Variants in DPP6 observed in about 807,000 individuals in gnomAD.
DPP6 encodes A-type potassium channel modulatory protein DPP6.
A neutral mutation model predicts 122.6 loss-of-function variants in DPP6; 69 were observed. The observed-to-expected ratio is 0.56, with a 90% confidence interval of 0.46 to 0.69. The LOEUF (loss-of-function observed/expected upper bound fraction) is 0.69, where lower values mean the gene tolerates loss of function less well. Among genes scored for constraint, DPP6 ranks in the 30% least tolerant of loss-of-function variants. DPP6 has a pLI of 0.00. For synonymous variants in DPP6, 418 were observed against 433.1 expected (o/e 0.97, Z 0.43); for missense variants, 928 against 1,116.9 (o/e 0.83, Z 2.41).
chr7:154,031,657 G>A (rs1799233532), intron 1 of DPP6, among the ~76,000 whole-genome samples: 1 of 151,922 alleles, frequency 6.6e-6, no homozygotes, highest in Admixed American at 6.6e-5. Flanking sequence ...GTCAGTCTCT[G>A]GAGATTCCCT....
rs1332788526 is a variant in DPP6, at chr7:154,241,228, T to TAGAG, written c.243+188166_243+188167insGAGA. ...GTGTGTGTGTGTGTGTGTATATATA[T>TAGAG]ATAGAGAGAGAGAGAGACACTTTTA... On this transcript the variant is annotated intron_variant, in intron 1 of 25. Transcript: ENST00000377770. This position sits in a 1 kb window ranked among gnomAD's most constrained non-coding sequence, Gnocchi z 9.0. Among the ~76,000 whole-genome samples, 4 of 150,808 alleles carry TAGAG rather than the reference T, an allele frequency of 2.7e-5. No homozygotes were observed. Among genetic ancestry groups the TAGAG allele is most frequent in the African/African-American group, 4.9e-5 (2 of 40,546 alleles).
At chr7:153,976,564 A>T (rs2129035937) in intron 1 of DPP6, among the ~76,000 whole-genome samples, 1 of 152,350 alleles carries the variant, frequency 6.6e-6, no homozygotes, top group Non-Finnish European at 1.5e-5. Context: ...AAACAGTAAG[A>T]ACTGCAACTT....
chr7:153,974,924 G>A (rs1213879060), intron 1 of DPP6, among the ~76,000 whole-genome samples: 1 of 152,206 alleles, frequency 6.6e-6, no homozygotes, highest in Non-Finnish European at 1.5e-5. Flanking sequence ...TTTTCTGGCT[G>A]GAAATGAAGC....
chr7:154,617,357 G>T (rs1057406500), intron 5 of DPP6, among the ~76,000 whole-genome samples: 2 of 152,198 alleles, frequency 1.3e-5, no homozygotes, highest in Non-Finnish European at 2.9e-5. Flanking sequence ...AAGGATCCTG[G>T]AATTACAGCA....
chr7:154,478,468 A>T (rs189893012), intron 3 of DPP6, among the ~76,000 whole-genome samples: 11 of 152,184 alleles, frequency 7.2e-5, no homozygotes, highest in Admixed American at 5.9e-4. Context: ...CATCATCATA[A>T]CATCATCATC....
At chr7:154,729,477 A>G (rs889482138) in intron 8 of DPP6, among the ~76,000 whole-genome samples, 2 of 152,222 alleles carry the variant, frequency 1.3e-5, no homozygotes, top group African/African-American at 2.4e-5. Context: ...AAATGGAGGT[A>G]TAATTTGTAC....
chr7:154,683,421 C>G (rs1214677274), intron 7 of DPP6, among the ~76,000 whole-genome samples: 5 of 152,188 alleles, frequency 3.3e-5, no homozygotes, highest in Non-Finnish European at 7.3e-5. Context: ...CTTCCTCCCC[C>G]ACCGGCTTGA....
chr7:154,172,132 C>T (rs1016061519), intron 1 of DPP6, among the ~76,000 whole-genome samples: 2 of 125,312 alleles, frequency 1.6e-5, no homozygotes, highest in African/African-American at 6.3e-5. Context: ...GCCCCTCCCT[C>T]CCTTCCTTCC....
chr7:154,873,868 CCACAGGCACACACA>C (rs1310132694), intron 19 of DPP6, among the ~76,000 whole-genome samples: 41 of 121,182 alleles, frequency 3.4e-4, no homozygotes, highest in African/African-American at 6.4e-4. Flanking sequence ...GCACACACAC[CCACAGGCACACACA>C]TGCACACACA....
chr7:154,749,523 GA>G (rs1843244594), intron 8 of DPP6, among the ~76,000 whole-genome samples: 1 of 132,500 alleles, frequency 7.5e-6, no homozygotes, highest in African/African-American at 2.9e-5. Context: ...GAGAGGGTGA[GA>G]GAGCATAGGA....
At chr7:154,575,802 G>C (rs908870669) in intron 5 of DPP6, among the ~76,000 whole-genome samples, 4 of 151,072 alleles carry the variant, frequency 2.6e-5, no homozygotes, top group Non-Finnish European at 3.0e-5. Context: ...GTATCTGTGT[G>C]TTTGTGTGTG....
chr7:154,043,470 G>A (rs1448685721), intron 1 of DPP6, among the ~76,000 whole-genome samples: 1 of 117,768 alleles, frequency 8.5e-6, no homozygotes, highest in African/African-American at 3.2e-5. Flanking sequence ...TAAATGCTCA[G>A]ATAAGTATAC....
At chr7:154,766,299 C>T (rs907683152) in intron 8 of DPP6, among the ~76,000 whole-genome samples, 1 of 152,074 alleles carries the variant, frequency 6.6e-6, no homozygotes, top group African/African-American at 2.4e-5. Flanking sequence ...ACCCAATGGT[C>T]GCTAAGTTCC....
chr7:154,363,978 G>T (rs1395732058), intron 1 of DPP6, among the ~76,000 whole-genome samples: 1 of 152,162 alleles, frequency 6.6e-6, no homozygotes, highest in Non-Finnish European at 1.5e-5. Context: ...TTTCCAGCTA[G>T]TGAGCAGAAA....
At chr7:154,104,935 G>T (rs1001167965) in intron 1 of DPP6, among the ~76,000 whole-genome samples, 8 of 151,896 alleles carry the variant, frequency 5.3e-5, no homozygotes, top group Middle Eastern at 3.4e-3. Context: ...GCACACCTCT[G>T]TGTGTGTGCT....
chr7:154,095,989 G>T (rs1225109123), intron 1 of DPP6: 5 of 125,042 alleles, frequency 4.0e-5, no homozygotes, highest in South Asian at 2.9e-4. Flanking sequence ...GGGAGTCGAG[G>T]GGACTGGATT....
intron 1 of DPP6, among the ~76,000 whole-genome samples, chr7:154,029,000 C>G (rs571589734): frequency 6.7e-6 from 1 of 150,052 alleles, no homozygotes; most frequent in East Asian, 1.9e-4. Flanking sequence ...CCTCTGTCCT[C>G]GAGGCCCACA....
the DPP6 span, among the ~76,000 whole-genome samples, chr7:153,831,206 G>A: frequency 6.6e-6 from 1 of 152,206 alleles, no homozygotes; most frequent in East Asian, 1.9e-4. Flanking sequence ...GCCCAGCACT[G>A]TGTAAGTGCC....
chr7:153,881,557 T>C, the DPP6 span, among the ~76,000 whole-genome samples: 2 of 152,208 alleles, frequency 1.3e-5, no homozygotes, highest in African/African-American at 4.8e-5. Flanking sequence ...TGCCTGTCCC[T>C]GTCTCCCTGC....
Sources: allele counts gnomAD v4.1 joint callset (sites outside exome capture counted in the v4.1 genomes callset), GRCh38; gene constraint gnomAD v4.1.1; non-coding constraint Gnocchi (gnomAD v3.1); transcripts MANE v1.5; gene names NCBI Gene and HGNC (gene_info 2026-07-23, HGNC 2026-07-21).